The following DAPK2 variants were observed in gnomAD, a reference collection of about 807,000 sequenced individuals.
DAPK2 encodes death-associated protein kinase 2.
A neutral mutation model predicts 44.1 loss-of-function variants in DAPK2; 35 were observed. That is an observed-to-expected ratio of 0.79 (90% CI 0.61 to 1.05). The LOEUF (loss-of-function observed/expected upper bound fraction) is 1.05, where lower values mean the gene tolerates loss of function less well. Among genes scored for constraint, DAPK2 ranks in the 50% least tolerant of loss-of-function variants. The pLI, the probability that DAPK2 is intolerant of heterozygous loss-of-function variation, is 0.00. For synonymous variants in DAPK2, 174 were observed against 182.6 expected (o/e 0.95, Z 0.38); for missense variants, 453 against 483.2 (o/e 0.94, Z 0.59).
chr15:64,018,949 C>A (rs929176637), intron 1 of DAPK2, among the ~76,000 whole-genome samples: 1 of 152,328 alleles, frequency 6.6e-6, no homozygotes, highest in South Asian at 2.1e-4. Flanking sequence ...CTTCTCCTGG[C>A]CTTGGTTTCC....
intron 1 of DAPK2, among the ~76,000 whole-genome samples, chr15:64,031,505 T>C (rs2080015705): frequency 6.6e-6 from 1 of 152,198 alleles, no homozygotes; most frequent in Non-Finnish European, 1.5e-5. Context: ...AGTGTTGGGA[T>C]TACAAGCGTC....
At chr15:64,043,011 A>G (rs1363534359), upstream of DAPK2, among the ~76,000 whole-genome samples, 1 of 152,220 alleles carries the variant, frequency 6.6e-6, no homozygotes, top group Non-Finnish European at 1.5e-5. Context: ...ACCCAGAGGG[A>G]GAGAATAGAT....
chr15:64,009,502 C>T (rs564886843), intron 1 of DAPK2, among the ~76,000 whole-genome samples: 1 of 152,246 alleles, frequency 6.6e-6, no homozygotes, highest in African/African-American at 2.4e-5. Flanking sequence ...CCCAAATGTA[C>T]TCTGCTTCCC....
chr15:64,030,404 T>A (rs2079978254), intron 1 of DAPK2, among the ~76,000 whole-genome samples: 1 of 152,094 alleles, frequency 6.6e-6, no homozygotes, highest in Admixed American at 6.5e-5. Flanking sequence ...CTCACCTGCC[T>A]CTCCTGTTTG....
intron 1 of DAPK2, among the ~76,000 whole-genome samples, chr15:64,036,325 A>ATATATG (rs2080198665): frequency 4.7e-5 from 5 of 106,410 alleles, no homozygotes; most frequent in South Asian, 2.7e-4. Flanking sequence ...ATATGTATAT[A>ATATATG]TATATATATA....
intron 3 of DAPK2, among the ~76,000 whole-genome samples, chr15:63,950,691 A>T (rs937733487): frequency 3.9e-5 from 6 of 152,202 alleles, no homozygotes; most frequent in African/African-American, 1.4e-4. Flanking sequence ...GGTGACCTCC[A>T]GCTTTGTTTA....
chr15:63,985,745 C>T (rs1233588751), intron 1 of DAPK2, among the ~76,000 whole-genome samples: 5 of 152,196 alleles, frequency 3.3e-5, no homozygotes, highest in Admixed American at 6.5e-5. Flanking sequence ...GGCAGAAGGG[C>T]TTTTGTAAAC....
At chr15:63,983,409 C>T (rs929680156) in intron 2 of DAPK2, 124 bp downstream of exon 3, 3 of 801,510 alleles carry the variant, frequency 3.7e-6, no homozygotes, top group Non-Finnish European at 6.0e-6. Context: ...CCACTGACTT[C>T]ACCTCCTCTG....
At chr15:63,950,811 T>A (rs73454806) in intron 3 of DAPK2, among the ~76,000 whole-genome samples, 2,531 of 152,292 alleles carry the variant, frequency 0.017, 66 homozygotes, top group African/African-American at 0.058. Context: ...TGTAAAAAAG[T>A]GACAAGATCC....
At chr15:63,938,793 G>T (rs1278252511) in intron 4 of DAPK2, among the ~76,000 whole-genome samples, 1 of 152,240 alleles carries the variant, frequency 6.6e-6, no homozygotes, top group African/African-American at 2.4e-5. Context: ...AGGCATAGAG[G>T]AGAGGCGAGT....
At chr15:63,910,852 CCAG>C (rs1317248847) in intron 10 of DAPK2, 1 of 152,210 alleles carries the variant, frequency 6.6e-6, no homozygotes, top group East Asian at 1.9e-4. Context: ...ACCACTACTG[CCAG>C]CCTACAGGAA....
At chr15:63,988,482 T>C (rs2078724442) in intron 1 of DAPK2, among the ~76,000 whole-genome samples, 1 of 151,814 alleles carries the variant, frequency 6.6e-6, no homozygotes, top group Admixed American at 6.6e-5. Flanking sequence ...AATGTGAACA[T>C]TACAACATTT....
In DAPK2 at chr15:63,930,549, C is replaced by T. The variant is rs2079513957; in HGVS notation, c.584-94G>A. 5 of 1,152,818 alleles carry T rather than the reference C, an allele frequency of 4.3e-6. No homozygotes were observed. In the South Asian group the frequency reaches 5.0e-5, roughly 12 times the overall value. The allele number at this position is 1,152,818 out of a possible 1,614,324, so 71.4% of individuals were successfully genotyped here. A position where few individuals can be genotyped will look rare whatever the true frequency, so the allele number is the denominator to read the frequency against. On this transcript the variant is annotated intron_variant, in intron 4 of 10. Coordinates refer to ENST00000261891, the Ensembl canonical transcript of DAPK2. ...TTAGGGAATTTGGTGCCAAATATCTCCATCCTGAATCTCCAGGAAAATTAG... is the reference window on the plus strand; with the variant it reads ...TTAGGGAATTTGGTGCCAAATATCTTCATCCTGAATCTCCAGGAAAATTAG...
chr15:63,947,620 T>C (rs1046858590), intron 3 of DAPK2, among the ~76,000 whole-genome samples: 3 of 152,158 alleles, frequency 2.0e-5, no homozygotes, highest in Admixed American at 2.0e-4. Context: ...CACCTATAAA[T>C]TAGGAATAAC....
intron 3 of DAPK2, among the ~76,000 whole-genome samples, chr15:63,946,655 C>G (rs1488406757): frequency 6.6e-6 from 1 of 152,186 alleles, no homozygotes; most frequent in Non-Finnish European, 1.5e-5. Context: ...CATTTAGTCC[C>G]TTCATGTCAG....
chr15:63,994,037 G>C (rs28459332), intron 1 of DAPK2, among the ~76,000 whole-genome samples: 30,600 of 152,116 alleles, frequency 0.2, 3,164 homozygotes, highest in South Asian at 0.25. Flanking sequence ...CAGGCAAGGA[G>C]AGCAGATCTC....
intron 3 of DAPK2, among the ~76,000 whole-genome samples, chr15:63,960,187 G>A (rs2077850651): frequency 6.6e-6 from 1 of 152,164 alleles, no homozygotes; most frequent in Non-Finnish European, 1.5e-5. Flanking sequence ...ATTTCTGTGG[G>A]ATTGGTGGTG....
chr15:63,913,752 G>C (rs916928208), intron 8 of DAPK2, among the ~76,000 whole-genome samples: 1 of 152,178 alleles, frequency 6.6e-6, no homozygotes, highest in Non-Finnish European at 1.5e-5. Context: ...AGCCCCTGCT[G>C]CCCATCCCCC....
At chr15:64,023,327 G>T (rs2079744794) in intron 1 of DAPK2, among the ~76,000 whole-genome samples, 1 of 152,178 alleles carries the variant, frequency 6.6e-6, no homozygotes, top group African/African-American at 2.4e-5. Context: ...CTAAGGAAAA[G>T]GTGGCCACTG....
Sources: gnomAD v4.1 joint callset for allele counts (sites outside exome capture counted in the v4.1 genomes callset) on GRCh38, gnomAD v4.1.1 for gene constraint, MANE v1.5 for transcripts, NCBI Gene and HGNC (gene_info 2026-07-23, HGNC 2026-07-21) for gene names.